Variants in TENM4 observed in about 807,000 individuals in gnomAD.
TENM4 encodes teneurin-4.
TENM4 carries 82 observed loss-of-function variants against 243.3 expected under a neutral mutation model. The ratio of observed to expected loss-of-function variants is 0.34; its 90% CI spans 0.28 to 0.40. TENM4 has a LOEUF of 0.40. Among genes scored for constraint, TENM4 ranks in the 10% least tolerant of loss-of-function variants. The probability of loss-of-function intolerance (pLI) is 1.00; values close to 1 mark genes in which losing one functional copy is unlikely to be tolerated. For synonymous variants in TENM4, 1,412 were observed against 1,456.3 expected (o/e 0.97, Z 0.69); for missense variants, 3,138 against 3,673.3 (o/e 0.85, Z 3.77).
At chr11:79,357,339 G>C (rs557339014) in intron 1 of TENM4, among the ~76,000 whole-genome samples, 6 of 152,324 alleles carry the variant, frequency 3.9e-5, no homozygotes, top group African/African-American at 1.4e-4. Context: ...TCTGTCCTGA[G>C]GCCACTTTCA....
chr11:79,089,791 A>C (rs769117634), intron 4 of TENM4, among the ~76,000 whole-genome samples: 27 of 152,182 alleles, frequency 1.8e-4, no homozygotes, highest in Admixed American at 8.5e-4. Flanking sequence ...AAGTACACAC[A>C]GTGGTTCTCA....
intron 5 of TENM4, chr11:79,067,938 A>C (rs902299754): frequency 6.6e-6 from 1 of 152,206 alleles, no homozygotes; most frequent in African/African-American, 2.4e-5. Context: ...ATTTTTGAGG[A>C]TCCAGGGTGA....
intron 1 of TENM4, among the ~76,000 whole-genome samples, chr11:79,410,986 C>T (rs142142037): frequency 0.01 from 1,583 of 152,254 alleles, 10 homozygotes; most frequent in Non-Finnish European, 0.018. Context: ...AACACACACT[C>T]AAGTGGATAT....
rs553598948 is a variant in TENM4, at chr11:79,195,344, A to T, written c.-163+20464T>A. On this transcript the variant is annotated intron_variant, in intron 3 of 33. Transcript: ENST00000278550. Reference sequence around the variant, plus strand: ...TGAGAAGAGGGACACCATCCTCCAGACACCAGAATGGTAGGTCCATTGACA... The same window carrying T: ...TGAGAAGAGGGACACCATCCTCCAGTCACCAGAATGGTAGGTCCATTGACA... 6.6e-5 allele frequency among the ~76,000 whole-genome samples: 10 copies of T among 152,312 alleles called. No homozygotes were observed. In the South Asian group the frequency reaches 2.1e-3, roughly 32 times the overall value.
intron 9 of TENM4, among the ~76,000 whole-genome samples, chr11:78,872,459 G>A (rs558029448): frequency 1.2e-3 from 188 of 152,248 alleles, no homozygotes; most frequent in African/African-American, 2.7e-3. Context: ...GGTACAACAC[G>A]CCACTGCCAG....
intron 3 of TENM4, among the ~76,000 whole-genome samples, chr11:79,172,245 A>G (rs1029168302): frequency 6.6e-6 from 1 of 152,016 alleles, no homozygotes; most frequent in African/African-American, 2.4e-5. Context: ...GAGTCAATGC[A>G]CCTAGTCAGC....
intron 9 of TENM4, among the ~76,000 whole-genome samples, chr11:78,878,696 G>A (rs532777587): frequency 6.6e-6 from 1 of 152,180 alleles, no homozygotes; most frequent in East Asian, 1.9e-4. Context: ...ACCTGGATGG[G>A]AGCCCTGAAG....
At chr11:78,875,493 T>C (rs530922441) in intron 9 of TENM4, among the ~76,000 whole-genome samples, 2 of 152,326 alleles carry the variant, frequency 1.3e-5, no homozygotes, top group South Asian at 2.1e-4. Flanking sequence ...TGTAAGCCAC[T>C]GTGCCCAGCC....
chr11:78,807,151 T>C (rs1857406564), intron 14 of TENM4, among the ~76,000 whole-genome samples: 1 of 152,256 alleles, frequency 6.6e-6, no homozygotes, highest in South Asian at 2.1e-4. Context: ...TAGGTTGCTA[T>C]GAACACAGAT....
At chr11:78,757,755 G>C (rs1293552976) in intron 18 of TENM4, among the ~76,000 whole-genome samples, 2 of 152,204 alleles carry the variant, frequency 1.3e-5, no homozygotes, top group African/African-American at 2.4e-5. Context: ...CTCAGTGTAA[G>C]CGTGTGGCCT....
intron 4 of TENM4, among the ~76,000 whole-genome samples, chr11:79,144,365 T>G (rs904992375): frequency 6.6e-6 from 1 of 151,888 alleles, no homozygotes; most frequent in Admixed American, 6.6e-5. Context: ...TGGAGAACAG[T>G]TTGGAGGTTC....
rs1402507009 is a variant in TENM4 at position 78,683,342 on chromosome 11, C to G, written c.5260+4712G>C. Among the ~76,000 whole-genome samples, 5 of 75,078 alleles carry G rather than the reference C, an allele frequency of 6.7e-5. 2 individuals are homozygous for G. Among genetic ancestry groups the G allele is most frequent in the African/African-American group, 3.5e-4 (5 of 14,224 alleles). The allele number at this position is 75,078 out of a possible 152,430, so 49.3% of individuals were successfully genotyped here. A position where few individuals can be genotyped will look rare whatever the true frequency, so the allele number is the denominator to read the frequency against. On this transcript the variant is annotated intron_variant, in intron 29 of 33. Coordinates refer to ENST00000278550, the MANE Select transcript of TENM4 (RefSeq NM_001098816.3). ...TTCGCGGCTGCTTTGTTTACCTAAG[C>G]GAGCCTGGGCTATGGCGGGCGCCCC...
intron 1 of TENM4, among the ~76,000 whole-genome samples, chr11:79,303,499 T>C (rs910953517): frequency 1.3e-5 from 2 of 152,236 alleles, no homozygotes; most frequent in Admixed American, 6.5e-5. Context: ...CAATGAAGTA[T>C]TTACTGTGTG....
chr11:79,218,241 C>CG (rs1565254776), intron 2 of TENM4, among the ~76,000 whole-genome samples: 1 of 143,944 alleles, frequency 6.9e-6, no homozygotes, highest in African/African-American at 2.6e-5. Context: ...CCCACCCACC[C>CG]CCGACACACA....
intron 2 of TENM4, among the ~76,000 whole-genome samples, chr11:79,276,394 G>A (rs911191890): frequency 2.0e-5 from 3 of 152,218 alleles, no homozygotes; most frequent in Non-Finnish European, 4.4e-5. Context: ...GGGCTAGCAG[G>A]GTCTCCAGGA....
intron 1 of TENM4, among the ~76,000 whole-genome samples, chr11:79,392,063 C>T (rs1421405523): frequency 1.3e-5 from 2 of 152,248 alleles, no homozygotes; most frequent in Admixed American, 1.3e-4. Flanking sequence ...CCAACACAGA[C>T]TCCATCAGCC....
intron 2 of TENM4, among the ~76,000 whole-genome samples, chr11:79,255,338 G>T (rs79317303): frequency 6.6e-6 from 1 of 152,108 alleles, no homozygotes; most frequent in Non-Finnish European, 1.5e-5. Context: ...TTTTCAGTCC[G>T]GCCTCTCATG....
chr11:79,335,424 G>A (rs1158980305), intron 1 of TENM4, among the ~76,000 whole-genome samples: 1 of 152,250 alleles, frequency 6.6e-6, no homozygotes, highest in Non-Finnish European at 1.5e-5. Flanking sequence ...AGGTTGATTA[G>A]CATTGCGGAG....
At chr11:78,830,502 C>T (rs891147571) in intron 12 of TENM4, among the ~76,000 whole-genome samples, 19 of 152,230 alleles carry the variant, frequency 1.2e-4, no homozygotes, top group African/African-American at 4.6e-4. Flanking sequence ...AACAGATCAG[C>T]ACCCTCCCAG....
Sources: allele counts gnomAD v4.1 joint callset (sites outside exome capture counted in the v4.1 genomes callset), GRCh38; gene constraint gnomAD v4.1.1; transcripts MANE v1.5; gene names NCBI Gene and HGNC (gene_info 2026-07-23, HGNC 2026-07-21).